ATP13A4: variants seen among roughly 807,000 people sequenced by gnomAD.
The protein encoded by ATP13A4 is ATPase 13A4, also known as probable cation-transporting ATPase 13A4.
ATP13A4 carries 114 observed loss-of-function variants against 142.5 expected under a neutral mutation model. The ratio of observed to expected loss-of-function variants is 0.80; its 90% CI spans 0.69 to 0.93. ATP13A4 has a LOEUF of 0.93. ATP13A4 is among the 40% of genes least tolerant of loss of function. ATP13A4 has a pLI of 0.00. For missense variants in ATP13A4, 1,392 were observed against 1,454.0 expected (o/e 0.96, Z 0.69); for synonymous variants, 488 against 514.8 (o/e 0.95, Z 0.70).
At chr3:193,506,196 T>A (rs1395974671) in intron 2 of ATP13A4, among the ~76,000 whole-genome samples, 1 of 152,196 alleles carries the variant, frequency 6.6e-6, no homozygotes, top group Non-Finnish European at 1.5e-5. Flanking sequence ...TTAGTCTGTT[T>A]CCCAGCTCTC....
intron 12 of ATP13A4, among the ~76,000 whole-genome samples, chr3:193,464,267 T>A (rs1044583719): frequency 3.3e-5 from 5 of 152,162 alleles, no homozygotes; most frequent in Non-Finnish European, 1.5e-5. Flanking sequence ...CTTTCCTGCC[T>A]CCAGGCCTCT....
chr3:193,455,681 T>C (rs930578198), intron 16 of ATP13A4, among the ~76,000 whole-genome samples: 3 of 152,240 alleles, frequency 2.0e-5, no homozygotes, highest in African/African-American at 7.2e-5. Context: ...ATCCCATTAC[T>C]GGGTATATAG....
chr3:193,440,260 ACT>A, intron 21 of ATP13A4: 1 of 362,220 alleles, frequency 2.8e-6, no homozygotes, highest in Admixed American at 4.3e-5. Context: ...TTCTCCCCAC[ACT>A]CTTTCAGGAC....
At chr3:193,566,495 CCT>C (rs1352685794) in intron 2 of ATP13A4, among the ~76,000 whole-genome samples, 1 of 152,108 alleles carries the variant, frequency 6.6e-6, no homozygotes, top group Non-Finnish European at 1.5e-5. Context: ...TTTGCTGGGG[CCT>C]CTCAACCCCT....
chr3:193,457,614 C>T (rs903002218), intron 14 of ATP13A4, 149 bp from the exon 15 acceptor site: 41 of 742,320 alleles, frequency 5.5e-5, no homozygotes, highest in Non-Finnish European at 6.3e-5. Flanking sequence ...AGATTTATTC[C>T]GCCACAGAAA....
At chr3:193,554,633 CTG>C (rs1037218476) in intron 1 of ATP13A4, 105 bp downstream of exon 1, 109 of 1,383,910 alleles carry the variant, frequency 7.9e-5, no homozygotes, top group Non-Finnish European at 1.0e-4. Flanking sequence ...TTAGAAAAGT[CTG>C]TGTGTGTGTG....
chr3:193,440,977 T>A (rs1374254043), intron 20 of ATP13A4, among the ~76,000 whole-genome samples: 1 of 152,114 alleles, frequency 6.6e-6, no homozygotes, highest in East Asian at 1.9e-4. Context: ...AAAAGGTTGA[T>A]CTATATATCT....
At chr3:193,536,345 A>C (rs1467231234) in intron 1 of ATP13A4, among the ~76,000 whole-genome samples, 8 of 152,034 alleles carry the variant, frequency 5.3e-5, no homozygotes, top group Non-Finnish European at 4.4e-5. Flanking sequence ...CACACACACA[A>C]AAATTAATCA....
chr3:193,457,870 A>G (rs1231000357), intron 14 of ATP13A4, among the ~76,000 whole-genome samples: 1 of 151,996 alleles, frequency 6.6e-6, no homozygotes, highest in Non-Finnish European at 1.5e-5. Flanking sequence ...TCTAATTTGG[A>G]TGGATGGTTC....
intron 1 of ATP13A4, among the ~76,000 whole-genome samples, chr3:193,588,631 A>G (rs1214598716): frequency 6.6e-6 from 1 of 152,030 alleles, no homozygotes; most frequent in Non-Finnish European, 1.5e-5. Context: ...TTCCCTCTTT[A>G]CAAATTCATC....
chr3:193,406,489 C>T (rs1416721696), intron 29 of ATP13A4, among the ~76,000 whole-genome samples: 1 of 152,176 alleles, frequency 6.6e-6, no homozygotes, highest in Admixed American at 6.5e-5. Context: ...TCAGGGCACC[C>T]CTGCCTACCA....
chr3:193,544,954 T>G (rs1723140392), intron 1 of ATP13A4, among the ~76,000 whole-genome samples: 1 of 152,154 alleles, frequency 6.6e-6, no homozygotes, highest in Non-Finnish European at 1.5e-5. Flanking sequence ...AGTGCCTCCT[T>G]TTGTAAGATT....
intron 2 of ATP13A4, 48 bp from the exon 3 acceptor site, chr3:193,502,687 A>G: frequency 6.4e-7 from 1 of 1,559,932 alleles, no homozygotes; most frequent in Non-Finnish European, 8.8e-7. Context: ...AGAGGTCAGC[A>G]GGCTACAATT....
intron 7 of ATP13A4, among the ~76,000 whole-genome samples, chr3:193,488,140 T>G (rs970522872): frequency 3.3e-5 from 5 of 152,158 alleles, no homozygotes; most frequent in Admixed American, 6.5e-5. Context: ...GGCACATGCC[T>G]GTAATCCCAG....
At chr3:193,488,685 T>C (rs186167954) in intron 7 of ATP13A4, among the ~76,000 whole-genome samples, 2 of 152,288 alleles carry the variant, frequency 1.3e-5, no homozygotes, top group African/African-American at 4.8e-5. Flanking sequence ...TAAGTAATGA[T>C]AACAGACACA....
chr3:193,554,667 T>C (rs1723796765), intron 1 of ATP13A4, 73 bp downstream of exon 1: 17 of 1,190,872 alleles, frequency 1.4e-5, no homozygotes, highest in South Asian at 2.7e-5. Flanking sequence ...TGTGTGTGTG[T>C]GTGTGTGTGT....
chr3:193,467,764 A>G (rs1433285646), intron 9 of ATP13A4, among the ~76,000 whole-genome samples: 4 of 152,176 alleles, frequency 2.6e-5, no homozygotes, highest in Non-Finnish European at 5.9e-5. Flanking sequence ...ATAGCTGGAA[A>G]TAACTATTTA....
Position 193,583,306 on chromosome 3 carries a change from G to A in ATP13A4, n.92-1400C>T, listed in dbSNP as rs184272255. ...AAATTAGCTGGGATTGGTGGCGGGC[G>A]CCTGTAATCCCAGGTACTCAGCAGG... On this transcript the variant is annotated intron_variant and non_coding_transcript_variant, in intron 1 of 3. Coordinates refer to the ATP13A4 transcript ENST00000489140. 5.6e-3 allele frequency among the ~76,000 whole-genome samples: 844 copies of A among 151,994 alleles called. 4 individuals are homozygous for A. Among genetic ancestry groups the A allele is most frequent in the African/African-American group, 0.02 (813 of 41,468 alleles).
chr3:193,435,651 G>A lies in ATP13A4; in HGVS notation c.2766C>T (p.Tyr922=), dbSNP rs1217999712. The change falls in exon 24 of 30, where the codon TAC becomes TAT. Residue 922 remains tyrosine, a synonymous_variant. Coordinates refer to ENST00000342695, the MANE Select transcript of ATP13A4 (RefSeq NM_032279.4). The stretch of plus-strand genomic sequence containing the variant: ...GAGGCTAAGTCCCAAGTCATACCCA[G>A]TAGAGCAGCAGAACACCAACATACT... ...MIQYVGVLLL[Y]WETNSLSNYQ... is the part of the protein sequence containing the mutation. The A allele has an allele frequency of 6.2e-7, 1 of 1,612,736 alleles. No individual in the cohort carries two copies. The highest frequency in any genetic ancestry group is 1.3e-5 in the African/African-American group (1 of 74,856).
Sources: allele counts gnomAD v4.1 joint callset (sites outside exome capture counted in the v4.1 genomes callset), GRCh38; gene constraint gnomAD v4.1.1; transcripts MANE v1.5; gene names NCBI Gene and HGNC (gene_info 2026-07-23, HGNC 2026-07-21).